ELP4: variants seen among roughly 807,000 people sequenced by gnomAD.
ELP4 encodes elongator acetyltransferase complex subunit 4.
In ELP4, 51 loss-of-function variants were observed where a neutral mutation model predicts 48.9. That is an observed-to-expected ratio of 1.04 (90% CI 0.83 to 1.32). The LOEUF (loss-of-function observed/expected upper bound fraction) is 1.32, where lower values mean the gene tolerates loss of function less well. Among genes scored for constraint, ELP4 ranks in the 40% most tolerant of loss-of-function variants. The probability of loss-of-function intolerance (pLI) is 0.00; values close to 1 mark genes in which losing one functional copy is unlikely to be tolerated. For synonymous variants in ELP4, 210 were observed against 189.2 expected, an observed-to-expected ratio of 1.11 and a Z score of -0.90; for missense variants, 519 against 514.6, an observed-to-expected ratio of 1.01 and a Z score of -0.08.
intron 9 of ELP4, among the ~76,000 whole-genome samples, chr11:31,672,219 A>G (rs1285382831): frequency 1.3e-5 from 2 of 152,222 alleles, no homozygotes; most frequent in Non-Finnish European, 2.9e-5. Flanking sequence ...TGGAGCCAGC[A>G]TAACTGTACT....
At chr11:31,741,468 C>T (rs879637557) in intron 9 of ELP4, among the ~76,000 whole-genome samples, 3 of 152,186 alleles carry the variant, frequency 2.0e-5, no homozygotes, top group East Asian at 1.9e-4. Context: ...TCCCTGACCC[C>T]CGAGTAGCCT....
chr11:31,745,892 G>A (rs1250810187), intron 9 of ELP4, among the ~76,000 whole-genome samples: 2 of 152,224 alleles, frequency 1.3e-5, no homozygotes, highest in East Asian at 3.9e-4. Context: ...TTGACAAATG[G>A]GATCTAATTA....
intron 7 of ELP4, among the ~76,000 whole-genome samples, chr11:31,640,980 T>A: frequency 6.6e-6 from 1 of 151,952 alleles, no homozygotes; most frequent in Admixed American, 6.6e-5. Context: ...AGCTGATCCC[T>A]CCTGTTCTGG....
At chr11:31,639,641 T>C (rs1328947647) in intron 7 of ELP4, among the ~76,000 whole-genome samples, 6 of 151,860 alleles carry the variant, frequency 4.0e-5, no homozygotes, top group Non-Finnish European at 8.8e-5. Flanking sequence ...TAGTAGTATA[T>C]GTATAACTTT....
At position 31,784,154 on chromosome 11, in the gene ELP4, A is replaced by G. The variant is rs1178578828; in HGVS notation, c.*630A>G. The G allele has an allele frequency of 6.6e-6, 1 of 152,194 alleles. No homozygotes were observed. The highest frequency in any genetic ancestry group is 2.4e-5 in the African/African-American group (1 of 41,442). The allele number at this position is 152,194 out of a possible 1,614,324, so 9.4% of individuals were successfully genotyped here. A position where few individuals can be genotyped will look rare whatever the true frequency, so the allele number is the denominator to read the frequency against. On this transcript the variant is annotated 3_prime_UTR_variant, in exon 10 of 10. Coordinates refer to ENST00000640961, the MANE Select transcript of ELP4 (RefSeq NM_019040.5). ...ATGGTCTTTAGTTTAGTAATCCTAAACAATTGAAGTCAGTACTATGAAATT... is the reference window on the plus strand; with the variant it reads ...ATGGTCTTTAGTTTAGTAATCCTAAGCAATTGAAGTCAGTACTATGAAATT...
chr11:31,790,115 A>AAC lies in ELP4; in HGVS notation c.*6592_*6593insCA, dbSNP rs1373628173. 3.9e-4 allele frequency: 306 copies of AAC among 791,904 alleles called. 4 individuals carry two copies. In the African/African-American group the frequency reaches 5.0e-3, roughly 13 times the overall value. The allele number at this position is 791,904 out of a possible 1,614,324, so 49.1% of individuals were successfully genotyped here. Reference sequence around the variant, plus strand: ...AGGTTTACAAAAAAAAAAAAAAAAAAAAAAACTAATACTTTCTAACATTTT... The same window carrying AAC: ...AGGTTTACAAAAAAAAAAAAAAAAAAACAAAAACTAATACTTTCTAACATTTT... On this transcript the variant is annotated 3_prime_UTR_variant, in exon 10 of 10. Transcript: ENST00000640961.
intron 3 of ELP4, among the ~76,000 whole-genome samples, chr11:31,593,709 T>C (rs1957627395): frequency 1.3e-5 from 2 of 152,154 alleles, no homozygotes; most frequent in African/African-American, 4.8e-5. Flanking sequence ...CACTATACTC[T>C]CACAAATACG....
chr11:31,570,389 C>T (rs1468544338), intron 3 of ELP4, among the ~76,000 whole-genome samples: 1 of 151,380 alleles, frequency 6.6e-6, no homozygotes, highest in African/African-American at 2.4e-5. Flanking sequence ...GGGTTGAAAA[C>T]TTCCTATTGG....
intron 2 of ELP4, among the ~76,000 whole-genome samples, chr11:31,531,324 T>C (rs77920554): frequency 0.026 from 4,037 of 152,344 alleles, 169 homozygotes; most frequent in African/African-American, 0.092. Flanking sequence ...TAAGTATATG[T>C]ATACTATGTG....
chr11:31,740,742 T>C (rs1184088149), intron 9 of ELP4, among the ~76,000 whole-genome samples: 1 of 152,198 alleles, frequency 6.6e-6, no homozygotes, highest in Non-Finnish European at 1.5e-5. Context: ...TTTCTTTTAA[T>C]AAAACAAATT....
At chr11:31,626,235 G>A (rs904628457) in intron 5 of ELP4, among the ~76,000 whole-genome samples, 2 of 151,680 alleles carry the variant, frequency 1.3e-5, no homozygotes, top group African/African-American at 4.8e-5. Context: ...TATTTCTTCT[G>A]CCTATGTGAT....
chr11:31,691,284 T>A (rs1023518961), intron 9 of ELP4, among the ~76,000 whole-genome samples: 2 of 152,092 alleles, frequency 1.3e-5, no homozygotes, highest in Admixed American at 1.3e-4. Flanking sequence ...AGACTATATC[T>A]GTTAACGGAC....
At chr11:31,544,313 A>C (rs76457407) in intron 3 of ELP4, among the ~76,000 whole-genome samples, 2 of 152,248 alleles carry the variant, frequency 1.3e-5, no homozygotes, top group Non-Finnish European at 2.9e-5. Flanking sequence ...TGCACTTTTC[A>C]GATGGGTTTA....
intron 9 of ELP4, among the ~76,000 whole-genome samples, chr11:31,656,178 G>C (rs141949877): frequency 9.3e-4 from 142 of 152,146 alleles, no homozygotes; most frequent in African/African-American, 3.3e-3. Flanking sequence ...TCTGCATTCT[G>C]ATTTGTTGAA....
At chr11:31,687,590 T>C (rs1168317604) in intron 9 of ELP4, 1 of 152,152 alleles carries the variant, frequency 6.6e-6, no homozygotes, top group Non-Finnish European at 1.5e-5. Flanking sequence ...CTTTTGCAAT[T>C]TCTTTGAAAG....
At chr11:31,564,052 A>T (rs1451896977) in intron 3 of ELP4, among the ~76,000 whole-genome samples, 2 of 152,212 alleles carry the variant, frequency 1.3e-5, no homozygotes, top group African/African-American at 4.8e-5. Flanking sequence ...CAGTCATTGT[A>T]ACAAATGGTA....
chr11:31,788,653 A>G lies in ELP4; in HGVS notation c.*5129A>G, dbSNP rs543660269. Reference sequence around the variant, plus strand: ...TAATCGCTTGTTGCATTTTTAAATTATTTCTAGACTTTGAGCTTTAGAATT... The same window carrying G: ...TAATCGCTTGTTGCATTTTTAAATTGTTTCTAGACTTTGAGCTTTAGAATT... On this transcript the variant is annotated 3_prime_UTR_variant, in exon 10 of 10. Coordinates refer to ENST00000640961, the MANE Select transcript of ELP4 (RefSeq NM_019040.5). 9.7e-5 allele frequency: 21 copies of G among 216,806 alleles called. No homozygotes were observed. Among genetic ancestry groups the G allele is most frequent in the Middle Eastern group, 1.4e-3 (1 of 706 alleles). 13.4% of individuals were successfully genotyped at this position (216,806 alleles called of 1,614,324 possible). A position where few individuals can be genotyped will look rare whatever the true frequency, so the allele number is the denominator to read the frequency against.
intron 9 of ELP4, among the ~76,000 whole-genome samples, chr11:31,782,793 T>A (rs900661586): frequency 2.0e-5 from 3 of 152,194 alleles, no homozygotes; most frequent in Non-Finnish European, 4.4e-5. Flanking sequence ...TGTGGCTGAC[T>A]TACCTGAACA....
intron 9 of ELP4, among the ~76,000 whole-genome samples, chr11:31,673,740 A>G (rs749262559): frequency 3.3e-5 from 5 of 152,206 alleles, no homozygotes; most frequent in Non-Finnish European, 5.9e-5. Context: ...AAAACTTTAT[A>G]TGCTATAGAT....
Sources: gnomAD v4.1 joint callset for allele counts (sites outside exome capture counted in the v4.1 genomes callset) on GRCh38, gnomAD v4.1.1 for gene constraint, MANE v1.5 for transcripts, NCBI Gene and HGNC (gene_info 2026-07-23, HGNC 2026-07-21) for gene names.